The following TBC1D23 variants were observed in gnomAD, a reference collection of about 807,000 sequenced individuals.
TBC1D23 encodes HCV non-structural protein 4A-transactivated protein 1.
Under a neutral mutation model 91.4 loss-of-function variants are expected in TBC1D23, and 55 were observed. The ratio of observed to expected loss-of-function variants is 0.60; its 90% CI spans 0.48 to 0.75. The LOEUF is 0.75. Ranked by LOEUF, TBC1D23 falls within the 30% of genes least tolerant of loss-of-function variation. TBC1D23 has a pLI of 0.00. For synonymous variants in TBC1D23, 289 were observed against 281.0 expected (o/e 1.03, Z -0.28); for missense variants, 725 against 836.1 (o/e 0.87, Z 1.64).
chr3:100,291,796 C>CT (rs576623040), intron 5 of TBC1D23, among the ~76,000 whole-genome samples: 33,014 of 131,368 alleles, frequency 0.25, 4,187 homozygotes, highest in East Asian at 0.5. Context: ...TTTTTTTTTT[C>CT]TTTTTTTTTT....
intron 15 of TBC1D23, among the ~76,000 whole-genome samples, chr3:100,315,154 C>CTTTT (rs397705981): frequency 3.0e-4 from 22 of 73,658 alleles, no homozygotes; most frequent in South Asian, 6.0e-4. Context: ...GAGGCAGATT[C>CTTTT]TTTTTTTTTT....
chr3:100,302,360 G>A, intron 11 of TBC1D23, 123 bp downstream of exon 11: 1 of 710,398 alleles, frequency 1.4e-6, no homozygotes, highest in Non-Finnish European at 2.1e-6. Context: ...GACTTGTTAA[G>A]GTCTTCTCCA....
chr3:100,288,941 T>G (rs935239850), intron 4 of TBC1D23, among the ~76,000 whole-genome samples: 17 of 152,270 alleles, frequency 1.1e-4, no homozygotes, highest in Non-Finnish European at 1.9e-4. Flanking sequence ...TGGCCCGGCA[T>G]GGTGGCTCAT....
chr3:100,295,233 T>A, intron 6 of TBC1D23, 22 bp downstream of exon 6: 1 of 1,592,760 alleles, frequency 6.3e-7, no homozygotes, highest in Non-Finnish European at 8.5e-7. Flanking sequence ...GTTGGTTAGA[T>A]TTTTTTTCCT....
chr3:100,271,542 G>C (rs961035888), intron 1 of TBC1D23, among the ~76,000 whole-genome samples: 3 of 152,138 alleles, frequency 2.0e-5, no homozygotes, highest in African/African-American at 7.2e-5. Context: ...GAAGAGATAC[G>C]TAAGTCTCCT....
intron 17 of TBC1D23, 41 bp downstream of exon 17, chr3:100,319,245 TG>T: frequency 3.2e-6 from 5 of 1,554,560 alleles, no homozygotes; most frequent in Non-Finnish European, 4.4e-6. Context: ...AAATTGAATT[TG>T]GGGAAGTTAA....
chr3:100,273,859 A>G (rs1385450231), intron 1 of TBC1D23, among the ~76,000 whole-genome samples: 1 of 152,214 alleles, frequency 6.6e-6, no homozygotes, highest in African/African-American at 2.4e-5. Flanking sequence ...ATATACAAAA[A>G]TCAACTCAAG....
chr3:100,261,211 C>A, intron 1 of TBC1D23, 140 bp downstream of exon 1: 2 of 760,612 alleles, frequency 2.6e-6, no homozygotes, highest in Non-Finnish European at 4.3e-6. Context: ...TGCCCTACCC[C>A]TCTGCCAGCT....
intron 4 of TBC1D23, among the ~76,000 whole-genome samples, chr3:100,286,234 T>C (rs774848149): frequency 2.0e-5 from 3 of 152,224 alleles, no homozygotes; most frequent in Non-Finnish European, 2.9e-5. Flanking sequence ...GCACTTCTCA[T>C]GGCCACCTCT....
At chr3:100,272,955 G>A (rs1001649050) in intron 1 of TBC1D23, among the ~76,000 whole-genome samples, 1 of 152,002 alleles carries the variant, frequency 6.6e-6, no homozygotes, top group Non-Finnish European at 1.5e-5. Context: ...GCCCAGGGAC[G>A]GGCAGGAGAC....
At position 100,283,738 on chromosome 3, in the gene TBC1D23, T is replaced by C; in HGVS notation, c.403T>C (p.Leu135=). Residue 135 remains leucine, a synonymous_variant, in exon 4 of 19, where the codon TTG becomes CTG. Transcript: ENST00000394144. ...TAGCTGGATACATCTACTGAAACCATTGGTGCATCTTCAACTGCCACGCAG... is the reference window on the plus strand; with the variant it reads ...TAGCTGGATACATCTACTGAAACCACTGGTGCATCTTCAACTGCCACGCAG... ...SLSWIHLLKP[L]VHLQLPRSDL... is the part of the protein sequence containing the mutation. The C allele has an allele frequency of 6.2e-7, 1 of 1,613,386 alleles. No individual in the cohort carries two copies. The highest frequency in any genetic ancestry group is 8.5e-7 in the Non-Finnish European group (1 of 1,179,340).
At chr3:100,277,015 G>A (rs2067653896) in intron 1 of TBC1D23, among the ~76,000 whole-genome samples, 1 of 152,160 alleles carries the variant, frequency 6.6e-6, no homozygotes, top group Non-Finnish European at 1.5e-5. Context: ...TCTTTAATTT[G>A]TAAGGTCAGT....
intron 1 of TBC1D23, among the ~76,000 whole-genome samples, chr3:100,263,999 C>A (rs2067536799): frequency 6.6e-6 from 1 of 152,106 alleles, no homozygotes. Context: ...TTTCTGTTTT[C>A]CCTCCATCCT....
At chr3:100,311,587 C>T (rs1322413711) in intron 14 of TBC1D23, among the ~76,000 whole-genome samples, 1 of 152,140 alleles carries the variant, frequency 6.6e-6, no homozygotes, top group Non-Finnish European at 1.5e-5. Context: ...TGAACATTTA[C>T]AATTTTATTT....
At chr3:100,271,952 A>C (rs577014617) in intron 1 of TBC1D23, among the ~76,000 whole-genome samples, 1 of 152,326 alleles carries the variant, frequency 6.6e-6, no homozygotes, top group South Asian at 2.1e-4. Flanking sequence ...CCATGGAATC[A>C]AGACAGAGGA....
At chr3:100,319,625 T>A (rs1245047882) in intron 17 of TBC1D23, among the ~76,000 whole-genome samples, 7 of 151,922 alleles carry the variant, frequency 4.6e-5, no homozygotes, top group Non-Finnish European at 1.0e-4. Context: ...ACGGGGTTTC[T>A]CTATGTTGGT....
At chr3:100,268,402 A>G (rs2067574178) in intron 1 of TBC1D23, among the ~76,000 whole-genome samples, 1 of 152,208 alleles carries the variant, frequency 6.6e-6, no homozygotes, top group African/African-American at 2.4e-5. Flanking sequence ...CCAGCTTAAA[A>G]AAAAACCCAA....
At chr3:100,293,753 CCACT>C (rs1161794952) in intron 5 of TBC1D23, among the ~76,000 whole-genome samples, 14 of 152,268 alleles carry the variant, frequency 9.2e-5, no homozygotes, top group African/African-American at 2.9e-4. Flanking sequence ...GTTCCCAACA[CCACT>C]CACTAGCTCT....
chr3:100,299,083 C>T (rs972753456), intron 9 of TBC1D23, among the ~76,000 whole-genome samples, 156 bp from the exon 10 acceptor site: 2 of 152,162 alleles, frequency 1.3e-5, no homozygotes, highest in South Asian at 2.1e-4. Flanking sequence ...TTAGGACCTT[C>T]GGGTTATTTT....
Sources: gnomAD v4.1 joint callset for allele counts (sites outside exome capture counted in the v4.1 genomes callset) on GRCh38, gnomAD v4.1.1 for gene constraint, MANE v1.5 for transcripts, NCBI Gene and HGNC (gene_info 2026-07-23, HGNC 2026-07-21) for gene names.